The following LDLRAD4 variants were observed in gnomAD, a reference collection of about 807,000 sequenced individuals.
The protein encoded by LDLRAD4 is low-density lipoprotein receptor class A domain-containing protein 4.
LDLRAD4 carries 5 observed loss-of-function variants against 17.0 expected under a neutral mutation model. The observed-to-expected ratio is 0.29, with a 90% CI of 0.15 to 0.62. LDLRAD4 has a LOEUF of 0.62. LDLRAD4 is among the 20% of genes least tolerant of loss of function. LDLRAD4 has a pLI of 0.84. For synonymous variants in LDLRAD4, 168 were observed against 171.8 expected, an observed-to-expected ratio of 0.98 and a Z score of 0.17; for missense variants, 340 against 424.7, an observed-to-expected ratio of 0.80 and a Z score of 1.75.
chr18:13,453,935 G>A (rs2091980800), intron 3 of LDLRAD4, among the ~76,000 whole-genome samples: 1 of 152,274 alleles, frequency 6.6e-6, no homozygotes. Flanking sequence ...TATGCTAACA[G>A]GCTGCGGGAG....
rs530880691 is a variant in LDLRAD4, at chr18:13,325,683, G to A, written c.-383+47495G>A. Among the ~76,000 whole-genome samples, 8 of 152,328 alleles carry A rather than the reference G, an allele frequency of 5.3e-5. No homozygotes were observed. In the East Asian group the frequency reaches 1.5e-3, roughly 29 times the overall value. ...CTTCGCTGCGCACCCGCCCGTCTCG[G>A]AACTGCTGAGTACTCTGGAGCCAAC... On this transcript the variant is annotated intron_variant, in intron 1 of 5. Transcript: ENST00000359446.
intron 3 of LDLRAD4, among the ~76,000 whole-genome samples, chr18:13,456,131 G>C (rs1400156234): frequency 1.3e-5 from 2 of 152,200 alleles, no homozygotes; most frequent in Non-Finnish European, 2.9e-5. Flanking sequence ...CGGACTCCTA[G>C]GCAGGAAACA....
chr18:13,314,159 G>A (rs979045233), intron 1 of LDLRAD4, among the ~76,000 whole-genome samples: 2 of 152,246 alleles, frequency 1.3e-5, no homozygotes, highest in Non-Finnish European at 2.9e-5. Context: ...TGGGGCCCGA[G>A]GGGAGATAAC....
At chr18:13,258,751 C>T (rs1290341825) in intron 1 of LDLRAD4, among the ~76,000 whole-genome samples, 1 of 152,138 alleles carries the variant, frequency 6.6e-6, no homozygotes, top group Non-Finnish European at 1.5e-5. Flanking sequence ...TTCTTCCTGG[C>T]TTAGTATGAA....
intron 2 of LDLRAD4, among the ~76,000 whole-genome samples, chr18:13,428,577 G>A (rs770439903): frequency 3.7e-4 from 57 of 152,272 alleles, no homozygotes; most frequent in Non-Finnish European, 7.8e-4. Flanking sequence ...GCTCTCTTAT[G>A]AGTAAACCGT....
At chr18:13,388,219 T>C (rs1318785619) in intron 2 of LDLRAD4, among the ~76,000 whole-genome samples, 1 of 152,232 alleles carries the variant, frequency 6.6e-6, no homozygotes, top group African/African-American at 2.4e-5. Flanking sequence ...TGGGCAGAAC[T>C]CGTCTTGCAG....
chr18:13,422,911 A>G (rs2089619007), intron 2 of LDLRAD4, among the ~76,000 whole-genome samples: 1 of 152,230 alleles, frequency 6.6e-6, no homozygotes, highest in South Asian at 2.1e-4. Flanking sequence ...CAACTAGCAG[A>G]GGCGGAAAGC....
Position 13,440,188 on chromosome 18 carries a change from C to CCT in LDLRAD4, c.181+1807_181+1808dup, listed in dbSNP as rs1233008087. On this transcript the variant is annotated intron_variant, in intron 3 of 5. Transcript: ENST00000359446. This position sits in a 1 kb window ranked among gnomAD's most constrained non-coding sequence, Gnocchi z 4.4. ...CCTCTGCTCTGGGGCGCTCCACAGG[C>CCT]CTCTTCTGGTCTGCGGGCTCCTCCT... is the stretch of plus-strand genomic sequence containing the variant. 6.6e-6 allele frequency among the ~76,000 whole-genome samples: 1 copy of CCT among 152,194 alleles called. No homozygotes were observed. Among genetic ancestry groups the CCT allele is most frequent in the Non-Finnish European group, 1.5e-5 (1 of 68,038 alleles).
chr18:13,643,330 C>T (rs1355064851), intron 4 of LDLRAD4, 29 bp from the exon 6 acceptor site: 8 of 1,446,378 alleles, frequency 5.5e-6, no homozygotes, highest in Non-Finnish European at 6.5e-6. Flanking sequence ...TCTTGTTCCC[C>T]CCACTCTCCT....
chr18:13,270,175 C>T (rs1310191131), intron 1 of LDLRAD4, among the ~76,000 whole-genome samples: 5 of 151,986 alleles, frequency 3.3e-5, no homozygotes, highest in Non-Finnish European at 7.4e-5. Context: ...CCAGGCTGGG[C>T]AACACAGCAA....
At chr18:13,580,521 G>A (rs1261745504) in intron 3 of LDLRAD4, among the ~76,000 whole-genome samples, 4 of 152,218 alleles carry the variant, frequency 2.6e-5, no homozygotes, top group Non-Finnish European at 5.9e-5. Context: ...CTGGGAGGAT[G>A]TTCTTGGGAT....
At chr18:13,291,291 C>T (rs1177905326) in intron 1 of LDLRAD4, among the ~76,000 whole-genome samples, 1 of 152,216 alleles carries the variant, frequency 6.6e-6, no homozygotes. Context: ...CCCTCTGCCA[C>T]CAACAGAGGT....
At chr18:13,547,925 C>T (rs1353503193) in intron 3 of LDLRAD4, among the ~76,000 whole-genome samples, 1 of 152,162 alleles carries the variant, frequency 6.6e-6, no homozygotes, top group Non-Finnish European at 1.5e-5. Context: ...TTCAGTCCCA[C>T]CATTCAGTAG....
At chr18:13,342,705 T>C (rs898609252) in intron 1 of LDLRAD4, among the ~76,000 whole-genome samples, 6 of 151,896 alleles carry the variant, frequency 4.0e-5, no homozygotes, top group African/African-American at 1.4e-4. Flanking sequence ...TTTTCCATAC[T>C]TTCACTTTCA....
At chr18:13,385,179 A>G (rs756940707) in intron 1 of LDLRAD4, among the ~76,000 whole-genome samples, 46 of 152,160 alleles carry the variant, frequency 3.0e-4, no homozygotes, top group Admixed American at 4.6e-4. Context: ...GACCATTCTA[A>G]TGGGTGTGAG....
intron 1 of LDLRAD4, among the ~76,000 whole-genome samples, chr18:13,229,890 C>T (rs745631130): frequency 1.3e-5 from 2 of 152,204 alleles, no homozygotes; most frequent in Non-Finnish European, 1.5e-5. Flanking sequence ...TGTGAGTAGA[C>T]CTGCTGTCTC....
chr18:13,322,360 C>T (rs1280145270), intron 1 of LDLRAD4, among the ~76,000 whole-genome samples: 8 of 134,794 alleles, frequency 5.9e-5, no homozygotes, highest in Admixed American at 1.7e-4. Context: ...AGCGCAGTGG[C>T]GCAATCTTGG....
rs571621847 is a variant in LDLRAD4, at chr18:13,233,454, A to G, written c.-467+14466A>G. On this transcript the variant is annotated intron_variant, in intron 1 of 5. Transcript: ENST00000399848. ...AAGCCGGCACCCTCTTATTGGAAAT[A>G]TTCTCCATCCTGTGACCTGTTTGTC... Among the ~76,000 whole-genome samples, 8 of 152,242 alleles carry G rather than the reference A, an allele frequency of 5.3e-5. No homozygotes were observed. In the South Asian group the frequency reaches 6.2e-4, roughly 12 times the overall value.
At chr18:13,362,843 GT>G (rs543358235) in intron 1 of LDLRAD4, among the ~76,000 whole-genome samples, 2 of 152,186 alleles carry the variant, frequency 1.3e-5, no homozygotes, top group South Asian at 4.1e-4. Context: ...ATATGAGCTT[GT>G]TGGGTACTTT....
Sources: gnomAD v4.1 joint callset for allele counts (sites outside exome capture counted in the v4.1 genomes callset) on GRCh38, gnomAD v4.1.1 for gene constraint, Gnocchi (gnomAD v3.1) non-coding constraint, MANE v1.5 for transcripts, NCBI Gene and HGNC (gene_info 2026-07-23, HGNC 2026-07-21) for gene names.